IGF1R: variants seen among roughly 807,000 people sequenced by gnomAD.
IGF1R encodes the protein insulin like growth factor 1 receptor.
Under a neutral mutation model 144.6 loss-of-function variants are expected in IGF1R, and 44 were observed. The observed-to-expected ratio is 0.30, with a 90% confidence interval of 0.24 to 0.39. The LOEUF is 0.39. Ranked by LOEUF, IGF1R falls within the 10% of genes least tolerant of loss-of-function variation. The pLI is 1.00. For missense variants in IGF1R, 1,355 were observed against 1,833.7 expected (o/e 0.74, Z 4.77); for synonymous variants, 795 against 722.8 (o/e 1.10, Z -1.60).
At chr15:98,734,295 G>A (rs116737472) in intron 2 of IGF1R, among the ~76,000 whole-genome samples, 3 of 151,936 alleles carry the variant, frequency 2.0e-5, no homozygotes, top group Admixed American at 6.6e-5. Context: ...GTTTTTTTCC[G>A]TGTTTTTTAA....
intron 1 of IGF1R, among the ~76,000 whole-genome samples, chr15:98,697,149 A>G (rs1309825872): frequency 6.6e-6 from 1 of 152,162 alleles, no homozygotes; most frequent in African/African-American, 2.4e-5. Flanking sequence ...TGGAGCCGTG[A>G]TGGACCCTCA....
chr15:98,772,695 G>C (rs1191003579), intron 2 of IGF1R, among the ~76,000 whole-genome samples: 1 of 151,168 alleles, frequency 6.6e-6, no homozygotes, highest in East Asian at 1.9e-4. Context: ...TACTTTTGAA[G>C]AGGTGAGATT....
chr15:98,725,445 G>A (rs1240786740), intron 2 of IGF1R, among the ~76,000 whole-genome samples: 1 of 152,122 alleles, frequency 6.6e-6, no homozygotes, highest in Non-Finnish European at 1.5e-5. Context: ...TCCCTCCTAT[G>A]TTTTGGAGGT....
intron 2 of IGF1R, among the ~76,000 whole-genome samples, chr15:98,789,691 T>A (rs1181469011): frequency 6.6e-6 from 1 of 152,166 alleles, no homozygotes; most frequent in Non-Finnish European, 1.5e-5. Context: ...TGGATGATGC[T>A]CTTATAGTTT....
chr15:98,930,096 T>C (rs1462525415), intron 14 of IGF1R, 139 bp from the exon 15 acceptor site: 7 of 719,900 alleles, frequency 9.7e-6, no homozygotes, highest in Non-Finnish European at 1.5e-5. Context: ...CAAGAGCTGC[T>C]GTAGACAGTA....
intron 2 of IGF1R, among the ~76,000 whole-genome samples, chr15:98,783,020 A>G (rs2055894331): frequency 6.6e-6 from 1 of 152,234 alleles, no homozygotes; most frequent in African/African-American, 2.4e-5. Flanking sequence ...ATGGCCCAAC[A>G]TCATGATGCT....
At chr15:98,938,903 A>G (rs1313243643) in intron 17 of IGF1R, among the ~76,000 whole-genome samples, 2 of 152,192 alleles carry the variant, frequency 1.3e-5, no homozygotes, top group Non-Finnish European at 2.9e-5. Context: ...GGCTTGTTTC[A>G]CTTTAAAAAA....
intron 1 of IGF1R, among the ~76,000 whole-genome samples, chr15:98,655,727 CT>C (rs534783117): frequency 1.2e-3 from 171 of 141,134 alleles, no homozygotes; most frequent in Middle Eastern, 3.5e-3. Context: ...ATTTTTTTTT[CT>C]TTTTTTTTTT....
chr15:98,672,890 T>G (rs2052934336), intron 1 of IGF1R, among the ~76,000 whole-genome samples: 1 of 152,212 alleles, frequency 6.6e-6, no homozygotes, highest in Non-Finnish European at 1.5e-5. Context: ...AACAAATGTT[T>G]CTGGGTGGGA....
intron 5 of IGF1R, 39 bp downstream of exon 5, chr15:98,899,660 A>T: frequency 6.2e-7 from 1 of 1,602,120 alleles, no homozygotes; most frequent in Non-Finnish European, 8.6e-7. Flanking sequence ...GTTCTATTAC[A>T]AAATAAGCAG....
chr15:98,731,025 G>A (rs2054485689), intron 2 of IGF1R, among the ~76,000 whole-genome samples: 2 of 152,234 alleles, frequency 1.3e-5, no homozygotes, highest in African/African-American at 2.4e-5. Flanking sequence ...CAGCAAGGCT[G>A]TGTTAGGAAT....
intron 2 of IGF1R, among the ~76,000 whole-genome samples, chr15:98,711,075 C>G (rs1184479009): frequency 6.6e-6 from 1 of 152,160 alleles, no homozygotes; most frequent in African/African-American, 2.4e-5. Context: ...ACCAGGAGTT[C>G]TTCCCCTCAT....
chr15:98,957,421 G>C lies in IGF1R; in HGVS notation c.4083G>C (p.Leu1361=). Residue 1361 remains leucine, a synonymous_variant, in exon 21 of 21, where the codon CTG becomes CTC. Coordinates refer to ENST00000650285, the MANE Select transcript of IGF1R (RefSeq NM_000875.5). ...GGRKNERALP[L]PQSSTC is the part of the protein sequence containing the mutation. ...GCAAGAACGAGCGGGCCTTGCCGCT[G>C]CCCCAGTCTTCGACCTGCTGATCCT... is the stretch of plus-strand genomic sequence containing the variant. 1 of 1,613,174 alleles carries C rather than the reference G, an allele frequency of 6.2e-7. No homozygotes were observed. Among genetic ancestry groups the C allele is most frequent in the South Asian group, 1.1e-5 (1 of 91,084 alleles).
At chr15:98,847,858 G>C (rs767941820) in intron 2 of IGF1R, among the ~76,000 whole-genome samples, 12 of 152,216 alleles carry the variant, frequency 7.9e-5, no homozygotes, top group Non-Finnish European at 1.3e-4. Flanking sequence ...GAAAGGAAGA[G>C]AGGAGGAAGA....
At chr15:98,825,374 A>G (rs945792408) in intron 2 of IGF1R, among the ~76,000 whole-genome samples, 4 of 152,210 alleles carry the variant, frequency 2.6e-5, no homozygotes, top group African/African-American at 9.7e-5. Context: ...ATCTTTCCGT[A>G]TACTTTAAAC....
chr15:98,943,112 G>T, intron 19 of IGF1R, 60 bp downstream of exon 19: 1 of 1,589,666 alleles, frequency 6.3e-7, no homozygotes, highest in Non-Finnish European at 8.6e-7. Flanking sequence ...CTTTCCACCA[G>T]CTCAGTCTCT....
chr15:98,701,153 T>C (rs1286859354), intron 1 of IGF1R, among the ~76,000 whole-genome samples: 1 of 152,118 alleles, frequency 6.6e-6, no homozygotes, highest in African/African-American at 2.4e-5. Context: ...AACCGACTTC[T>C]CACATAAGCC....
chr15:98,713,983 G>A (rs28714334), intron 2 of IGF1R, among the ~76,000 whole-genome samples: 4,032 of 152,230 alleles, frequency 0.026, 175 homozygotes, highest in African/African-American at 0.093. Flanking sequence ...CAATTAAAAG[G>A]GCATTGACTG....
chr15:98,845,431 C>T (rs1454950269), intron 2 of IGF1R, among the ~76,000 whole-genome samples: 1 of 97,086 alleles, frequency 1.0e-5, no homozygotes, highest in South Asian at 5.4e-4. Flanking sequence ...CCTCTTCCTC[C>T]CCTCCCTCCT....
Sources: allele counts gnomAD v4.1 joint callset (sites outside exome capture counted in the v4.1 genomes callset), GRCh38; gene constraint gnomAD v4.1.1; transcripts MANE v1.5; gene names NCBI Gene and HGNC (gene_info 2026-07-23, HGNC 2026-07-21).